Variants in ALG8 observed in about 807,000 individuals in gnomAD.
The protein encoded by ALG8 is dolichyl pyrophosphate Glc1Man9GlcNAc2 alpha-1,3-glucosyltransferase.
In ALG8, 48 loss-of-function variants were observed where a neutral mutation model predicts 70.2. That is an observed-to-expected ratio of 0.68 (90% CI 0.54 to 0.87). ALG8 has a LOEUF of 0.87. Ranked by LOEUF, ALG8 falls within the 40% of genes least tolerant of loss-of-function variation. ALG8 has a pLI of 0.00. For missense variants in ALG8, 572 were observed against 608.7 expected (o/e 0.94, Z 0.64); for synonymous variants, 234 against 229.0 (o/e 1.02, Z -0.20).
In ALG8 at chr11:78,104,044, TG is replaced by T; in HGVS notation, c.1284del (p.Ile429LeufsTer17). The T allele has an allele frequency of 6.7e-7, 1 of 1,495,196 alleles. No individual in the cohort carries two copies. Among genetic ancestry groups the T allele is most frequent in the South Asian group, 1.2e-5 (1 of 86,816 alleles). The allele number at this position is 1,495,196 out of a possible 1,614,324, so 92.6% of individuals were successfully genotyped here. Reference protein sequence around the residue: ...FPLLFTAPELPIKILLMLLFT... With the variant: ...FPLLFTAPELXIKILLMLLFT... ...AATAGTAACATGAGTAAGATTTTAATGGGAAGTTCTGTTAAAAGAATAGAAA... is the reference window on the plus strand; with the variant it reads ...AATAGTAACATGAGTAAGATTTTAATGGAAGTTCTGTTAAAAGAATAGAAA... On this transcript the variant is annotated frameshift_variant, in exon 12 of 13. Coordinates refer to ENST00000299626, the MANE Select transcript of ALG8 (RefSeq NM_024079.5). LOFTEE classifies it high-confidence loss of function.
At chr11:78,125,204 T>C (rs999753310) in intron 2 of ALG8, among the ~76,000 whole-genome samples, 10 of 151,754 alleles carry the variant, frequency 6.6e-5, no homozygotes, top group Non-Finnish European at 1.3e-4. Flanking sequence ...GGCTAATTTT[T>C]TGTATTTTTA....
intron 6 of ALG8, 116 bp from the exon 7 acceptor site, chr11:78,114,105 T>C: frequency 7.4e-7 from 1 of 1,360,320 alleles, no homozygotes; most frequent in Admixed American, 2.0e-5. Context: ...CTATTCATGA[T>C]GTGGCAAGAG....
In ALG8 at chr11:78,106,832, T is replaced by C. The variant is rs1377034137; in HGVS notation, c.1153A>G (p.Ile385Val). Reference sequence around the variant, plus strand: ...CTCATTGGGAGAATTGCTAGAAGTATGGCTTTTTCATGAACATGCCACCCA... The same window carrying C: ...CTCATTGGGAGAATTGCTAGAAGTACGGCTTTTTCATGAACATGCCACCCA... ...MFGWHVHEKAILLAILPMSLL... is the reference protein window; with the variant it reads ...MFGWHVHEKAVLLAILPMSLL... Residue 385 changes from isoleucine to valine, a missense_variant, in exon 10 of 13, where the codon ATA (isoleucine) becomes GTA (valine). Coordinates refer to ENST00000299626, the MANE Select transcript of ALG8 (RefSeq NM_024079.5). 3 of 1,613,976 alleles carry C rather than the reference T, an allele frequency of 1.9e-6. No homozygotes were observed. The highest frequency in any genetic ancestry group is 1.3e-5 in the African/African-American group (1 of 74,916).
At chr11:78,111,832 T>C (rs1450736236) in intron 8 of ALG8, among the ~76,000 whole-genome samples, 1 of 152,244 alleles carries the variant, frequency 6.6e-6, no homozygotes, top group Non-Finnish European at 1.5e-5. Flanking sequence ...CCATAACTTA[T>C]TTTTCATTAC....
intron 5 of ALG8, among the ~76,000 whole-genome samples, chr11:78,115,189 C>T (rs1368529645): frequency 6.6e-6 from 1 of 152,126 alleles, no homozygotes; most frequent in Non-Finnish European, 1.5e-5. Flanking sequence ...TGTGCCAACA[C>T]ACCCGGCTAA....
chr11:78,136,103 G>C (rs925343174), intron 1 of ALG8, among the ~76,000 whole-genome samples: 3 of 152,052 alleles, frequency 2.0e-5, no homozygotes, highest in African/African-American at 4.8e-5. Context: ...CCAGGAAGTA[G>C]AGGCAGCAGT....
At chr11:78,129,493 G>A (rs1348298270) in intron 1 of ALG8, among the ~76,000 whole-genome samples, 3 of 152,092 alleles carry the variant, frequency 2.0e-5, no homozygotes, top group Non-Finnish European at 4.4e-5. Context: ...TCCACAAACA[G>A]CAGAATAGCT....
intron 8 of ALG8, among the ~76,000 whole-genome samples, chr11:78,110,892 C>T (rs1377067460): frequency 2.6e-5 from 4 of 152,166 alleles, no homozygotes; most frequent in African/African-American, 9.7e-5. Flanking sequence ...ACTGACTTTC[C>T]ATGTAAAACA....
At chr11:78,134,594 C>G (rs1193613283) in intron 1 of ALG8, among the ~76,000 whole-genome samples, 1 of 152,178 alleles carries the variant, frequency 6.6e-6, no homozygotes, top group African/African-American at 2.4e-5. Flanking sequence ...CTTCTCAAAC[C>G]CTGCCACTGA....
chr11:78,123,600 T>G (rs183596283), intron 3 of ALG8, among the ~76,000 whole-genome samples: 5 of 152,220 alleles, frequency 3.3e-5, no homozygotes, highest in African/African-American at 1.2e-4. Context: ...AAAGCAGACT[T>G]TGGTGGTTAG....
chr11:78,118,719 G>A (rs764309123), intron 5 of ALG8, among the ~76,000 whole-genome samples: 73 of 151,858 alleles, frequency 4.8e-4, no homozygotes, highest in Non-Finnish European at 8.7e-4. Flanking sequence ...CGAGGCAGGA[G>A]GATCACTTGA....
chr11:78,113,938 C>G lies in ALG8; in HGVS notation c.725G>C (p.Gly242Ala). 2 of 1,606,110 alleles carry G rather than the reference C, an allele frequency of 1.2e-6. No homozygotes were observed. Among genetic ancestry groups the G allele is most frequent in the Non-Finnish European group, 1.7e-6 (2 of 1,177,494 alleles). Residue 242 changes from glycine (G) to alanine (A), a missense_variant, in exon 7 of 13, where the codon GGA becomes GCA. By Grantham distance (60) the Gly-to-Ala change is moderately conservative. Coordinates refer to ENST00000299626, the MANE Select transcript of ALG8 (RefSeq NM_024079.5). ...SFSFVRVISL[G>A]LVVFLVSALS... ...AGCAGAAACTAAGAAAACAACCAGT[C>G]CCAGGGAAATAACACGAACAAAGCT...
intron 6 of ALG8, 81 bp from the exon 7 acceptor site, chr11:78,114,070 A>T: frequency 1.4e-6 from 2 of 1,413,624 alleles, no homozygotes; most frequent in Non-Finnish European, 2.0e-6. Flanking sequence ...CTAAAACTAG[A>T]AGTATCCCAC....
chr11:78,112,640 G>C lies in ALG8; in HGVS notation c.898+10C>G, dbSNP rs372919051. The C allele has an allele frequency of 1.2e-6, 2 of 1,613,200 alleles. No individual in the cohort carries two copies. The highest frequency in any genetic ancestry group is 1.1e-5 in the South Asian group (1 of 91,056). On this transcript the variant is annotated intron_variant, in intron 8 of 12. Transcript: ENST00000299626. ...TTCAGAGTCTGAGTAAAAAATGCTC[G>C]CTACCATACCGATGACAGACAGCAC...
At chr11:78,112,413 C>A in intron 8 of ALG8, 1 of 475,686 alleles carries the variant, frequency 2.1e-6, no homozygotes, top group Non-Finnish European at 3.8e-6. Context: ...ATTTTTTCCC[C>A]AGGAAAGGAT....
At chr11:78,108,275 G>A (rs897008491) in intron 9 of ALG8, among the ~76,000 whole-genome samples, 3 of 151,754 alleles carry the variant, frequency 2.0e-5, no homozygotes, top group Admixed American at 6.6e-5. Context: ...CAAGACTCCC[G>A]TCTCAAAAAA....
chr11:78,119,417 TTTTTTTTTTAA>T lies in ALG8; in HGVS notation c.479-179_479-169del, dbSNP rs1484151842. On this transcript the variant is annotated intron_variant, in intron 4 of 12. Coordinates refer to ENST00000299626, the MANE Select transcript of ALG8 (RefSeq NM_024079.5). The stretch of plus-strand genomic sequence containing the variant: ...TATGTTTTCTATAAACAGATTCAAA[TTTTTTTTTTAA>T]TTTTTTTTTTTTTTTTTTGAGATGG... Among the ~76,000 whole-genome samples the T allele has an allele frequency of 0.021, 2,886 of 140,466 alleles. 102 individuals are homozygous for T. Among genetic ancestry groups the T allele is most frequent in the African/African-American group, 0.078 (2,739 of 35,196 alleles). 92.2% of individuals were successfully genotyped at this position (140,466 alleles called of 152,430 possible).
rs678277 is a variant in ALG8 at position 78,114,462 on chromosome 11, A to G, written c.547-70T>C. On this transcript the variant is annotated intron_variant, in intron 5 of 12. Transcript: ENST00000299626. ...ATGAAATGCAATAATGTGGTATTCT[A>G]GATTGAATCCTGGAACAGAACAAGG... The G allele has an allele frequency of 0.17, 270,897 of 1,566,054 alleles. 26,326 individuals are homozygous for G. Among genetic ancestry groups the G allele is most frequent in the African/African-American group, 0.39 (28,457 of 73,742 alleles).
In ALG8 at chr11:78,105,803, G is replaced by C. The variant is rs113358986; in HGVS notation, c.1178+1004C>G. Among the ~76,000 whole-genome samples the C allele has an allele frequency of 2.6e-3, 394 of 151,898 alleles. 1 individual carries two copies. The highest frequency in any genetic ancestry group is 9.2e-3 in the African/African-American group (380 of 41,428). ...GGCTCACTGCAACCTTCACCTCCCA[G>C]GTTCAAAGGATCTTCATGCCTCAGC... On this transcript the variant is annotated intron_variant, in intron 10 of 12. Transcript: ENST00000299626.
Sources: gnomAD v4.1 joint callset for allele counts (sites outside exome capture counted in the v4.1 genomes callset) on GRCh38, gnomAD v4.1.1 for gene constraint, MANE v1.5 for transcripts, NCBI Gene and HGNC (gene_info 2026-07-23, HGNC 2026-07-21) for gene names.